Variants in CDC42BPB observed in about 807,000 individuals in gnomAD.
CDC42BPB encodes the protein serine/threonine-protein kinase MRCK beta.
Under a neutral mutation model 214.9 loss-of-function variants are expected in CDC42BPB, and 37 were observed. The observed-to-expected ratio is 0.17, with a 90% confidence interval of 0.13 to 0.23. The LOEUF (loss-of-function observed/expected upper bound fraction) is 0.23, where lower values mean the gene tolerates loss of function less well. Ranked by LOEUF, CDC42BPB falls within the 10% of genes least tolerant of loss-of-function variation. CDC42BPB has a pLI of 1.00. For missense variants in CDC42BPB, 1,694 were observed against 2,227.0 expected, an observed-to-expected ratio of 0.76 and a Z score of 4.82; for synonymous variants, 931 against 884.0, an observed-to-expected ratio of 1.05 and a Z score of -0.94.
At chr14:103,035,615 T>C (rs60007237) in intron 1 of CDC42BPB, among the ~76,000 whole-genome samples, 16,449 of 151,566 alleles carry the variant, frequency 0.11, 2,283 homozygotes, top group African/African-American at 0.33. Context: ...CCAAGGTGGG[T>C]GGATCACGAG....
chr14:102,965,154 C>T (rs1002406514), intron 18 of CDC42BPB, among the ~76,000 whole-genome samples: 5 of 151,892 alleles, frequency 3.3e-5, no homozygotes, highest in Admixed American at 6.6e-5. Flanking sequence ...GGCTAGTCTC[C>T]AACTCCTGCT....
intron 1 of CDC42BPB, chr14:103,041,462 G>A (rs1887988252): frequency 4.4e-6 from 5 of 1,145,166 alleles, no homozygotes; most frequent in Non-Finnish European, 6.4e-6. Flanking sequence ...AGGGGCTCTA[G>A]GCAGCCATGG....
At chr14:102,975,640 T>G (rs748458704) in intron 11 of CDC42BPB, 44 bp downstream of exon 11, 2 of 1,596,270 alleles carry the variant, frequency 1.3e-6, no homozygotes, top group Non-Finnish European at 1.7e-6. Flanking sequence ...AAGACAGTAA[T>G]GACCAAAAAT....
chr14:103,008,408 C>CT (rs1279089254), intron 3 of CDC42BPB, 64 bp downstream of exon 3: 1 of 1,076,094 alleles, frequency 9.3e-7, no homozygotes, highest in Non-Finnish European at 1.4e-6. Flanking sequence ...CCCCAGCTGG[C>CT]TTCACAGTCA....
At chr14:103,019,608 G>A (rs942552732) in intron 1 of CDC42BPB, among the ~76,000 whole-genome samples, 4 of 152,152 alleles carry the variant, frequency 2.6e-5, no homozygotes, top group Non-Finnish European at 4.4e-5. Context: ...CATCACCAAA[G>A]GGCGGCCTTC....
chr14:102,941,410 A>G (rs1228688064), intron 30 of CDC42BPB: 2 of 985,380 alleles, frequency 2.0e-6, no homozygotes, highest in Admixed American at 6.1e-5. Flanking sequence ...TGAATACAAA[A>G]AGGGAAATCA....
At chr14:103,014,165 C>CT (rs1266590752) in intron 1 of CDC42BPB, among the ~76,000 whole-genome samples, 1 of 24,560 alleles carries the variant, frequency 4.1e-5, no homozygotes, top group Non-Finnish European at 9.0e-5. Context: ...GACTCCGTCT[C>CT]AAAAAAAAAA....
At chr14:102,957,067 G>A in intron 21 of CDC42BPB, among the ~76,000 whole-genome samples, 1 of 150,174 alleles carries the variant, frequency 6.7e-6, no homozygotes, top group East Asian at 1.9e-4. Context: ...CGGGCATAGT[G>A]GCGCGTGCCT....
chr14:102,941,644 ACT>A (rs1891895430), intron 30 of CDC42BPB: 1 of 750,300 alleles, frequency 1.3e-6, no homozygotes, highest in Non-Finnish European at 1.6e-6. Flanking sequence ...TAGTTTGCTG[ACT>A]CAGTGATAAA....
intron 1 of CDC42BPB, among the ~76,000 whole-genome samples, chr14:103,043,949 A>C (rs572241090): frequency 2.6e-4 from 39 of 152,336 alleles, no homozygotes; most frequent in African/African-American, 9.1e-4. Flanking sequence ...AAACCATGTC[A>C]ATGTCTGATG....
chr14:102,992,943 C>T (rs1595118209), intron 5 of CDC42BPB, among the ~76,000 whole-genome samples: 1 of 151,880 alleles, frequency 6.6e-6, no homozygotes, highest in East Asian at 1.9e-4. Context: ...ATTCTCATAC[C>T]TCAGCCTCCC....
intron 1 of CDC42BPB, among the ~76,000 whole-genome samples, chr14:103,043,643 A>T (rs1389568948): frequency 6.6e-6 from 1 of 152,178 alleles, no homozygotes; most frequent in Non-Finnish European, 1.5e-5. Context: ...TAAACAGGTA[A>T]ATCATGCATG....
At chr14:102,950,344 T>C in intron 25 of CDC42BPB, 122 bp downstream of exon 25, 8 of 1,336,334 alleles carry the variant, frequency 6.0e-6, no homozygotes, top group Non-Finnish European at 8.3e-6. Flanking sequence ...GTAAGCCCCC[T>C]AGGACTGGCA....
chr14:103,008,643 G>A, intron 2 of CDC42BPB, 88 bp from the exon 3 acceptor site: 2 of 1,544,736 alleles, frequency 1.3e-6, no homozygotes, highest in South Asian at 2.4e-5. Context: ...AATCCTAACA[G>A]CCCAGGAGCC....
intron 19 of CDC42BPB, chr14:102,963,437 G>T (rs1893047415): frequency 4.0e-6 from 1 of 249,978 alleles, no homozygotes; most frequent in Non-Finnish European, 6.4e-6. Context: ...TCCCAGGCGA[G>T]TCCTCTGTTC....
chr14:102,997,204 C>A (rs1352829103), intron 5 of CDC42BPB, among the ~76,000 whole-genome samples: 1 of 152,154 alleles, frequency 6.6e-6, no homozygotes, highest in Non-Finnish European at 1.5e-5. Context: ...ACCACAATGG[C>A]CTCACACCTC....
At chr14:103,031,335 C>T (rs891288126) in intron 1 of CDC42BPB, among the ~76,000 whole-genome samples, 1 of 152,140 alleles carries the variant, frequency 6.6e-6, no homozygotes, top group Admixed American at 6.6e-5. Flanking sequence ...GCCAGGAAAA[C>T]TACCCTTTTC....
intron 5 of CDC42BPB, among the ~76,000 whole-genome samples, chr14:102,987,852 A>G (rs978610734): frequency 6.6e-6 from 1 of 150,586 alleles, no homozygotes; most frequent in Admixed American, 6.6e-5. Context: ...CACAAACTAT[A>G]ATCTCAGCAC....
At chr14:102,987,551 C>T (rs1044572584) in intron 5 of CDC42BPB, among the ~76,000 whole-genome samples, 1 of 152,030 alleles carries the variant, frequency 6.6e-6, no homozygotes, top group Admixed American at 6.6e-5. Flanking sequence ...TGATAGACAC[C>T]ACACCCCAAT....
Sources: allele counts gnomAD v4.1 joint callset (sites outside exome capture counted in the v4.1 genomes callset), GRCh38; gene constraint gnomAD v4.1.1; transcripts MANE v1.5; gene names NCBI Gene and HGNC (gene_info 2026-07-23, HGNC 2026-07-21).